The following RAB43 variants were observed in gnomAD, a reference collection of about 807,000 sequenced individuals.
RAB43 encodes the protein RAB43, member RAS oncogene family, also known as ras-related protein Rab-43.
Under a neutral mutation model 18.8 loss-of-function variants are expected in RAB43, and 6 were observed. The observed-to-expected ratio is 0.32, with a 90% CI of 0.17 to 0.63. RAB43 has a LOEUF of 0.63. Among genes scored for constraint, RAB43 ranks in the 30% least tolerant of loss-of-function variants. RAB43 has a pLI of 0.79. For missense variants in RAB43, 195 were observed against 289.1 expected, an observed-to-expected ratio of 0.67 and a Z score of 2.36; for synonymous variants, 103 against 124.1, an observed-to-expected ratio of 0.83 and a Z score of 1.13.
chr3:129,121,078 C>T (rs897602726), intron 1 of RAB43, among the ~76,000 whole-genome samples: 7 of 147,126 alleles, frequency 4.8e-5, no homozygotes, highest in Admixed American at 3.4e-4. Flanking sequence ...GCCCCCCCCC[C>T]CCCCAGCAAC....
At chr3:129,106,847 C>G (rs569844070) in intron 1 of RAB43, among the ~76,000 whole-genome samples, 1 of 152,202 alleles carries the variant, frequency 6.6e-6, no homozygotes, top group Admixed American at 6.5e-5. Context: ...CAATGCAGCT[C>G]TCCTTGGGAG....
intron 1 of RAB43, among the ~76,000 whole-genome samples, chr3:129,108,566 CA>C (rs1934939342): frequency 6.6e-6 from 1 of 152,192 alleles, no homozygotes; most frequent in Non-Finnish European, 1.5e-5. Flanking sequence ...AATCAATGAA[CA>C]AATAAACCAT....
chr3:129,115,857 G>T (rs1246547281), intron 1 of RAB43, among the ~76,000 whole-genome samples: 9 of 152,118 alleles, frequency 5.9e-5, no homozygotes, highest in African/African-American at 2.2e-4. Flanking sequence ...GTAGATTCTA[G>T]AAATAATGCA....
In RAB43 at chr3:129,095,471, CCCA is replaced by C. The variant is rs1933981333; in HGVS notation, c.205-305_205-303del. Reference sequence around the variant, plus strand: ...GTGCCCCTCTCCCCTCAGGACTGGGCCCACTGCTGCGAAAACAGAACCACCAGT... The same window carrying C: ...GTGCCCCTCTCCCCTCAGGACTGGGCCTGCTGCGAAAACAGAACCACCAGT... On this transcript the variant is annotated intron_variant, in intron 1 of 2. Coordinates refer to ENST00000315150, the MANE Select transcript of RAB43 (RefSeq NM_198490.3). The surrounding 1 kb of genome is among the most constrained non-coding windows in gnomAD (Gnocchi z 4.2). Among the ~76,000 whole-genome samples the C allele has an allele frequency of 6.6e-6, 1 of 152,218 alleles. No individual in the cohort carries two copies. The highest frequency in any genetic ancestry group is 2.4e-5 in the African/African-American group (1 of 41,456).
At chr3:129,093,957 G>A (rs763707940) in intron 2 of RAB43, among the ~76,000 whole-genome samples, 3 of 152,216 alleles carry the variant, frequency 2.0e-5, no homozygotes, top group African/African-American at 7.2e-5. Context: ...GAATCAACCT[G>A]TTGGGGTGAG....
At chr3:129,118,691 A>G (rs572679034) in intron 1 of RAB43, among the ~76,000 whole-genome samples, 1 of 152,264 alleles carries the variant, frequency 6.6e-6, no homozygotes, top group Non-Finnish European at 1.5e-5. Flanking sequence ...GAGAAGGTTT[A>G]TTTTATTTTA....
chr3:129,105,462 A>G (rs1934710238), intron 1 of RAB43, among the ~76,000 whole-genome samples: 1 of 151,420 alleles, frequency 6.6e-6, no homozygotes. Context: ...CAAAAAACAA[A>G]CAACAACAAC....
intron 2 of RAB43, among the ~76,000 whole-genome samples, chr3:129,092,892 C>T (rs1933769767): frequency 6.6e-6 from 1 of 151,434 alleles, no homozygotes; most frequent in South Asian, 2.1e-4. Context: ...GGAGGCAGAG[C>T]TTGCCATGAG....
At chr3:129,094,505 CTTTTTTTTTTTTTTTTT>C (rs200896936) in intron 2 of RAB43, among the ~76,000 whole-genome samples, 2 of 69,102 alleles carry the variant, frequency 2.9e-5, no homozygotes, top group Non-Finnish European at 5.2e-5. Flanking sequence ...ATATAACTTT[CTTTTTTTTTTTTTTTTT>C]TTTTTTTTTT....
Position 129,107,151 on chromosome 3 carries a change from CTCCTTA to C in RAB43, c.205-11988_205-11983del, listed in dbSNP as rs1402957419. On this transcript the variant is annotated intron_variant, in intron 1 of 2. Transcript: ENST00000315150. This position sits in a 1 kb window ranked among gnomAD's most constrained non-coding sequence, Gnocchi z 4.2. Reference sequence around the variant, plus strand: ...CAACCCTAGAAGGTGGGTCTCATTACTCCTTATGTCTGAGGGGTCACAGGAATGAAG... The same window carrying C: ...CAACCCTAGAAGGTGGGTCTCATTACTGTCTGAGGGGTCACAGGAATGAAG... Among the ~76,000 whole-genome samples the C allele has an allele frequency of 1.3e-5, 2 of 152,226 alleles. No individual in the cohort carries two copies. Among genetic ancestry groups the C allele is most frequent in the Admixed American group, 1.3e-4 (2 of 15,284 alleles).
intron 1 of RAB43, among the ~76,000 whole-genome samples, chr3:129,116,782 T>C (rs1171481629): frequency 6.6e-6 from 1 of 152,204 alleles, no homozygotes; most frequent in African/African-American, 2.4e-5. Context: ...TACAGTTCCA[T>C]AAGGCTGACC....
In RAB43 at chr3:129,121,606, CG is replaced by C; in HGVS notation, c.-118del. The stretch of plus-strand genomic sequence containing the variant: ...CACGGGCCGCCTGGCTACGTGGAGC[CG>C]CCGCAACACCTGAACCCCCAGCACT... On this transcript the variant is annotated 5_prime_UTR_variant, in exon 1 of 3. Transcript: ENST00000315150. 1.2e-6 allele frequency: 1 copy of C among 800,086 alleles called. No individual in the cohort carries two copies. 49.6% of individuals were successfully genotyped at this position (800,086 alleles called of 1,614,324 possible). A position where few individuals can be genotyped will look rare whatever the true frequency, so the allele number is the denominator to read the frequency against.
At chr3:129,092,470 T>C (rs1234064200) in intron 2 of RAB43, 6 of 697,332 alleles carry the variant, frequency 8.6e-6, no homozygotes, top group South Asian at 4.5e-5. Context: ...CTCATTATTA[T>C]ACTATTCTAA....
chr3:129,091,200 C>T lies in RAB43; in HGVS notation c.535G>A (p.Glu179Lys), dbSNP rs1211336411. Residue 179 changes from glutamate to lysine, a missense_variant, in exon 3 of 3, where the codon GAG becomes AAG. Physicochemically the swap from Glu to Lys is moderately conservative, Grantham distance 56. Transcript: ENST00000315150. Reference sequence around the variant, plus strand: ...GGGCCCCCGTGCCGCATGATGAGCTCCGTGGCCACCCTCAGGAAGGCCTCC... The same window carrying T: ...GGGCCCCCGTGCCGCATGATGAGCTTCGTGGCCACCCTCAGGAAGGCCTCC... ...VEEAFLRVATELIMRHGGPLF... is the reference protein window; with the variant it reads ...VEEAFLRVATKLIMRHGGPLF... 3 of 1,584,248 alleles carry T rather than the reference C, an allele frequency of 1.9e-6. No homozygotes were observed. The highest frequency in any genetic ancestry group is 4.6e-5 in the East Asian group (2 of 43,784).
chr3:129,109,678 G>A (rs1215168622), intron 1 of RAB43, among the ~76,000 whole-genome samples: 1 of 148,412 alleles, frequency 6.7e-6, no homozygotes, highest in Non-Finnish European at 1.5e-5. Flanking sequence ...GGAGGTGGAG[G>A]TTGCAGTGAG....
At chr3:129,097,967 G>A (rs566214489) in intron 1 of RAB43, among the ~76,000 whole-genome samples, 1 of 152,224 alleles carries the variant, frequency 6.6e-6, no homozygotes, top group Non-Finnish European at 1.5e-5. Context: ...CTGAGCTAAG[G>A]AGGCAGAGAT....
intron 1 of RAB43, among the ~76,000 whole-genome samples, chr3:129,115,873 C>G (rs1188559690): frequency 6.6e-6 from 1 of 152,124 alleles, no homozygotes; most frequent in Non-Finnish European, 1.5e-5. Flanking sequence ...ATGCATAAGT[C>G]GATTGCACAT....
intron 1 of RAB43, among the ~76,000 whole-genome samples, chr3:129,100,282 T>C (rs920363506): frequency 1.3e-5 from 2 of 152,164 alleles, no homozygotes; most frequent in East Asian, 1.9e-4. Flanking sequence ...AAACAAAATT[T>C]TCCCTCATAA....
At position 129,095,217 on chromosome 3, in the gene RAB43, T is replaced by C; in HGVS notation, c.205-48A>G. 1 of 1,587,264 alleles carries C rather than the reference T, an allele frequency of 6.3e-7. No homozygotes were observed. The highest frequency in any genetic ancestry group is 8.6e-7 in the Non-Finnish European group (1 of 1,165,080). On this transcript the variant is annotated intron_variant, in intron 1 of 2. Coordinates refer to ENST00000315150, the MANE Select transcript of RAB43 (RefSeq NM_198490.3). The surrounding 1 kb of genome is among the most constrained non-coding windows in gnomAD (Gnocchi z 4.2). ...TGAACCCAGTGGCACAGGCTGAACA[T>C]GGGGACAGGCAGAGTGACCCCACAG...
Sources: allele counts gnomAD v4.1 joint callset (sites outside exome capture counted in the v4.1 genomes callset), GRCh38; gene constraint gnomAD v4.1.1; non-coding constraint Gnocchi (gnomAD v3.1); transcripts MANE v1.5; gene names NCBI Gene and HGNC (gene_info 2026-07-23, HGNC 2026-07-21).